ZNF467: variants seen among roughly 807,000 people sequenced by gnomAD.
The protein encoded by ZNF467 is zinc finger protein EZI.
Under a neutral mutation model 47.8 loss-of-function variants are expected in ZNF467, and 51 were observed. The ratio of observed to expected loss-of-function variants is 1.07; its 90% confidence interval spans 0.85 to 1.35. The LOEUF is 1.35. Among genes scored for constraint, ZNF467 ranks in the 40% most tolerant of loss-of-function variants. ZNF467 has a pLI of 0.00. For missense variants in ZNF467, 992 were observed against 858.1 expected, an observed-to-expected ratio of 1.16 and a Z score of -1.95; for synonymous variants, 416 against 372.9, an observed-to-expected ratio of 1.12 and a Z score of -1.33.
In ZNF467 at chr7:149,765,947, C is replaced by G; in HGVS notation, c.555G>C (p.Glu185Asp). 10 of 1,552,454 alleles carry G rather than the reference C, an allele frequency of 6.4e-6. No homozygotes were observed. The highest frequency in any genetic ancestry group is 8.7e-6 in the Non-Finnish European group (10 of 1,149,178). ...LRLHQRLHRG[E>D]GPCACPDCGR... is the part of the protein sequence containing the mutation. Reference sequence around the variant, plus strand: ...CGCAGTCCGGGCAGGCGCAGGGGCCCTCGCCCCGGTGCAGCCGCTGGTGCA... The same window carrying G: ...CGCAGTCCGGGCAGGCGCAGGGGCCGTCGCCCCGGTGCAGCCGCTGGTGCA... The change falls in exon 5 of 5, where the codon GAG (glutamate) becomes GAC (aspartate). Residue 185 changes from glutamate to aspartate, a missense_variant. By Grantham distance (45) the Glu-to-Asp change is conservative. Transcript: ENST00000302017.
In ZNF467 at chr7:149,764,746, G is replaced by A. The variant is rs569213675; in HGVS notation, c.1756C>T (p.Pro586Ser). 9 of 1,548,274 alleles carry A rather than the reference G, an allele frequency of 5.8e-6. No homozygotes were observed. The highest frequency in any genetic ancestry group is 2.7e-5 in the African/African-American group (2 of 73,228). Residue 586 changes from proline (P) to serine (S), a missense_variant, in exon 5 of 5, where the codon CCC (proline) becomes TCC (serine). Transcript: ENST00000302017. ...AAGAGCGGGGGCGGCGCCACCTCGG[G>A]GGGAGCGGACCAGGCTGGGGCCGCA... The part of the protein sequence containing the change: ...ALAAPAWSAP[P>S]EVAPPPLFF
rs999728 is a variant in ZNF467, at chr7:149,771,149, C to T, written c.-42-75G>A. On this transcript the variant is annotated intron_variant, in intron 1 of 4. Transcript: ENST00000302017. ...CCTGGGCCCTGGCTCTGCCCAACCT[C>T]TCCCTATGGGCTCTTCCAGGAGCTC... 8.2e-3 allele frequency: 10,197 copies of T among 1,248,620 alleles called. 66 individuals are homozygous for T. The highest frequency in any genetic ancestry group is 0.01 in the Non-Finnish European group (8,743 of 858,892). 77.3% of individuals were successfully genotyped at this position (1,248,620 alleles called of 1,614,324 possible).
chr7:149,770,620 G>A, intron 2 of ZNF467, 64 bp from the exon 3 acceptor site: 1 of 1,416,534 alleles, frequency 7.1e-7, no homozygotes, highest in Non-Finnish European at 9.7e-7. Flanking sequence ...ATCAGAGGCG[G>A]GGGCTGTTCC....
At position 149,765,505 on chromosome 7, in the gene ZNF467, CG is replaced by C; in HGVS notation, c.996del (p.Asp333ThrfsTer30). 6.3e-7 allele frequency: 1 copy of C among 1,581,854 alleles called. No homozygotes were observed. On this transcript the variant is annotated frameshift_variant, in exon 5 of 5. Transcript: ENST00000302017. LOFTEE classifies it high-confidence loss of function. The stretch of plus-strand genomic sequence containing the variant: ...GTGGAATGAGGAGAAGCGGACGAGT[CG>C]GGAGAGGGCCTGGCCGGGCCGGCCG... ...HQTAGPARPS[P>X]DSSASPHSTA... is the part of the protein sequence containing the mutation.
chr7:149,767,118 C>T (rs1799249580), intron 4 of ZNF467, among the ~76,000 whole-genome samples: 1 of 152,240 alleles, frequency 6.6e-6, no homozygotes, highest in South Asian at 2.1e-4. Context: ...AGGTTCTCCT[C>T]TGTCACTAAC....
rs889721012 is a variant in ZNF467, at chr7:149,764,198, T to C, written c.*516A>G. 1.7e-5 allele frequency: 5 copies of C among 291,010 alleles called. No individual in the cohort carries two copies. The highest frequency in any genetic ancestry group is 3.2e-5 in the Non-Finnish European group (5 of 158,560). 18.0% of individuals were successfully genotyped at this position (291,010 alleles called of 1,614,324 possible). A position where few individuals can be genotyped will look rare whatever the true frequency, so the allele number is the denominator to read the frequency against. ...GATGGTGGCTTAGTGAATAAATATA[T>C]TACATTTTTATTTGGGAGAACCAAT... On this transcript the variant is annotated 3_prime_UTR_variant, in exon 5 of 5. Transcript: ENST00000302017.
rs748827534 is a variant in ZNF467 at position 149,764,903 on chromosome 7, G to A, written c.1599C>T (p.His533=). ...SFSSKTNLVR[H]QAIHTGSRPF... ...GGCGGGAGCCTGTGTGGATCGCCTG[G>A]TGGCGGACTAGGTTGGTTTTGGAGC... is the stretch of plus-strand genomic sequence containing the variant. The change falls in exon 5 of 5, where the codon CAC becomes CAT. Residue 533 remains histidine, a synonymous_variant. Coordinates refer to ENST00000302017, the MANE Select transcript of ZNF467 (RefSeq NM_207336.3). The A allele has an allele frequency of 1.3e-6, 2 of 1,568,032 alleles. No homozygotes were observed. Among genetic ancestry groups the A allele is most frequent in the Non-Finnish European group, 1.7e-6 (2 of 1,160,676 alleles).
intron 1 of ZNF467, 97 bp from the exon 2 acceptor site, chr7:149,771,171 G>C (rs1799394646): frequency 5.1e-6 from 5 of 978,672 alleles, no homozygotes; most frequent in Non-Finnish European, 7.8e-6. Context: ...TCTTCCAGGA[G>C]CTCCAAAGGT....
intron 4 of ZNF467, among the ~76,000 whole-genome samples, chr7:149,766,693 C>T (rs977251243): frequency 1.3e-5 from 2 of 152,156 alleles, no homozygotes; most frequent in African/African-American, 2.4e-5. Context: ...CCTGAGCTTC[C>T]CAAACTGAGC....
intron 4 of ZNF467, among the ~76,000 whole-genome samples, chr7:149,768,875 C>G (rs1331725063): frequency 6.6e-6 from 1 of 152,230 alleles, no homozygotes; most frequent in Non-Finnish European, 1.5e-5. Flanking sequence ...TGACCAGCCT[C>G]TCTGACTCCT....
chr7:149,772,498 T>A (rs1585961219), intron 1 of ZNF467, among the ~76,000 whole-genome samples: 1 of 87,802 alleles, frequency 1.1e-5, no homozygotes, highest in African/African-American at 4.9e-5. Context: ...CCCCACTCCG[T>A]CTCCCCTCCG....
Position 149,771,108 on chromosome 7 carries a change from C to T in ZNF467, c.-42-34G>A, listed in dbSNP as rs545392055. 5.5e-5 allele frequency: 88 copies of T among 1,598,306 alleles called. 2 individuals are homozygous for T. In the Middle Eastern group the frequency reaches 2.5e-3, roughly 45 times the overall value. On this transcript the variant is annotated intron_variant, in intron 1 of 4. Coordinates refer to ENST00000302017, the MANE Select transcript of ZNF467 (RefSeq NM_207336.3). ...AAAAGACAGCCTTGTTCAGATTTTT[C>T]CCACGCCAGCTTCCACCTGGGCCCT... is the stretch of plus-strand genomic sequence containing the variant.
rs557586476 is a variant in ZNF467 at position 149,768,105 on chromosome 7, C to T, written c.262+985G>A. 2.8e-4 allele frequency among the ~76,000 whole-genome samples: 42 copies of T among 152,318 alleles called. No homozygotes were observed. The South Asian group carries it at 6.0e-3, about 22-fold the overall frequency. On this transcript the variant is annotated intron_variant, in intron 4 of 4. Coordinates refer to ENST00000302017, the MANE Select transcript of ZNF467 (RefSeq NM_207336.3). Reference sequence around the variant, plus strand: ...TTTTTTGACAAATTCCCAGTGCATGCGGATCTTTTGGCATAAACTCCTATA... The same window carrying T: ...TTTTTTGACAAATTCCCAGTGCATGTGGATCTTTTGGCATAAACTCCTATA...
rs1799201904 is a variant in ZNF467, at chr7:149,766,001, C to T, written c.501G>A (p.Arg167=). ...EKPYGCGECE[R]RFRDQLTLRL... is the part of the protein sequence containing the mutation. ...GCAACGTCAGCTGGTCCCGGAAGCGCCGCTCACACTCCCCGCAGCCGTAGG... is the reference window on the plus strand; with the variant it reads ...GCAACGTCAGCTGGTCCCGGAAGCGTCGCTCACACTCCCCGCAGCCGTAGG... Residue 167 remains arginine, a synonymous_variant, in exon 5 of 5, where the codon CGG becomes CGA. Coordinates refer to ENST00000302017, the MANE Select transcript of ZNF467 (RefSeq NM_207336.3). 6.4e-7 allele frequency: 1 copy of T among 1,562,316 alleles called. No individual in the cohort carries two copies. Among genetic ancestry groups the T allele is most frequent in the Non-Finnish European group, 8.7e-7 (1 of 1,153,860 alleles).
At chr7:149,770,908 G>T in intron 2 of ZNF467, 91 bp downstream of exon 2, 2 of 1,551,494 alleles carry the variant, frequency 1.3e-6, no homozygotes, top group Non-Finnish European at 8.9e-7. Context: ...CAGGGTTGCA[G>T]CCTCCTGAGG....
rs1393501369 is a variant in ZNF467, at chr7:149,766,000, G to A, written c.502C>T (p.Arg168Cys). 2.4e-5 allele frequency: 37 copies of A among 1,561,472 alleles called. No individual in the cohort carries two copies. The highest frequency in any genetic ancestry group is 3.1e-5 in the Non-Finnish European group (36 of 1,153,502). The change falls in exon 5 of 5, where the codon CGC (arginine) becomes TGC (cysteine). Residue 168 changes from arginine (R) to cysteine (C), a missense_variant. Arg to Cys is a radical substitution (Grantham distance 180, BLOSUM62 -3). Coordinates refer to ENST00000302017, the MANE Select transcript of ZNF467 (RefSeq NM_207336.3). ...KPYGCGECER[R>C]FRDQLTLRLH... Reference sequence around the variant, plus strand: ...CGCAACGTCAGCTGGTCCCGGAAGCGCCGCTCACACTCCCCGCAGCCGTAG... The same window carrying A: ...CGCAACGTCAGCTGGTCCCGGAAGCACCGCTCACACTCCCCGCAGCCGTAG...
chr7:149,776,475 T>C (rs963794230), upstream of ZNF467: 1 of 1,331,558 alleles, frequency 7.5e-7, no homozygotes, highest in Non-Finnish European at 1.0e-6. Context: ...TGCCCTGGAG[T>C]GGCCGCTCGG....
chr7:149,764,771 A>C lies in ZNF467; in HGVS notation c.1731T>G (p.Leu577=). The C allele has an allele frequency of 6.6e-7, 1 of 1,526,160 alleles. No homozygotes were observed. The highest frequency in any genetic ancestry group is 8.8e-7 in the Non-Finnish European group (1 of 1,136,550). 94.5% of individuals were successfully genotyped at this position (1,526,160 alleles called of 1,614,324 possible). A position where few individuals can be genotyped will look rare whatever the true frequency, so the allele number is the denominator to read the frequency against. ...GGGGAGCGGACCAGGCTGGGGCCGC[A>C]AGGGCGGCGTCCGGGGCCGCGTGGG... is the stretch of plus-strand genomic sequence containing the variant. ...EAAHAAPDAA[L]AAPAWSAPPE... The change falls in exon 5 of 5, where the codon CTT becomes CTG. Residue 577 remains leucine (L), a synonymous_variant. Transcript: ENST00000302017.
At chr7:149,773,876 C>G (rs1166569034), upstream of ZNF467, among the ~76,000 whole-genome samples, 1 of 152,066 alleles carries the variant, frequency 6.6e-6, no homozygotes, top group Non-Finnish European at 1.5e-5. Flanking sequence ...CCTGGAGTCC[C>G]GAGGACCCGA....
Sources: gnomAD v4.1 joint callset for allele counts (sites outside exome capture counted in the v4.1 genomes callset) on GRCh38, gnomAD v4.1.1 for gene constraint, MANE v1.5 for transcripts, NCBI Gene and HGNC (gene_info 2026-07-23, HGNC 2026-07-21) for gene names.